Variants in OSBPL8 observed in about 807,000 individuals in gnomAD.
The protein encoded by OSBPL8 is oxysterol-binding protein-related protein 8.
Under a neutral mutation model 125.5 loss-of-function variants are expected in OSBPL8, and 59 were observed. That is an observed-to-expected ratio of 0.47 (90% CI 0.38 to 0.58). The LOEUF (loss-of-function observed/expected upper bound fraction) is 0.58. OSBPL8 is among the 20% of genes least tolerant of loss of function. OSBPL8 has a pLI of 0.00. For synonymous variants in OSBPL8, 330 were observed against 338.9 expected, an observed-to-expected ratio of 0.97 and a Z score of 0.29; for missense variants, 758 against 1,047.8, an observed-to-expected ratio of 0.72 and a Z score of 3.82.
rs1285401587 is a variant in OSBPL8, at chr12:76,352,238, A to G, written c.*3651T>C. On this transcript the variant is annotated 3_prime_UTR_variant, in exon 24 of 24. Coordinates refer to ENST00000261183, the MANE Select transcript of OSBPL8 (RefSeq NM_020841.5). Reference sequence around the variant, plus strand: ...ATACTGTAAAACAGTTTTACATAATAAATGCAAAAAGATAACATTTTCTAA... The same window carrying G: ...ATACTGTAAAACAGTTTTACATAATGAATGCAAAAAGATAACATTTTCTAA... 1 of 152,514 alleles carries G rather than the reference A, an allele frequency of 6.6e-6. No homozygotes were observed. Among genetic ancestry groups the G allele is most frequent in the Non-Finnish European group, 1.5e-5 (1 of 68,030 alleles). 9.4% of individuals were successfully genotyped at this position (152,514 alleles called of 1,614,324 possible).
chr12:76,470,260 C>T (rs1341119384), intron 2 of OSBPL8, among the ~76,000 whole-genome samples: 1 of 152,150 alleles, frequency 6.6e-6, no homozygotes, highest in East Asian at 1.9e-4. Flanking sequence ...AACTTTACTG[C>T]CCACTAAAAG....
intron 2 of OSBPL8, among the ~76,000 whole-genome samples, chr12:76,486,756 C>T (rs896559627): frequency 1.3e-5 from 2 of 152,034 alleles, no homozygotes; most frequent in Non-Finnish European, 2.9e-5. Flanking sequence ...ATATATGTGG[C>T]AATTGCTCTT....
intron 4 of OSBPL8, among the ~76,000 whole-genome samples, chr12:76,435,714 G>A (rs1034291874): frequency 3.3e-5 from 5 of 152,028 alleles, no homozygotes; most frequent in African/African-American, 1.2e-4. Context: ...GCAACAATAC[G>A]ATTTGTGGTG....
At chr12:76,543,551 CCA>C (rs1452447854) in intron 1 of OSBPL8, among the ~76,000 whole-genome samples, 1 of 152,034 alleles carries the variant, frequency 6.6e-6, no homozygotes, top group East Asian at 1.9e-4. Flanking sequence ...CTACCACTCC[CCA>C]CACAAGTTTA....
intron 1 of OSBPL8, among the ~76,000 whole-genome samples, chr12:76,488,618 T>C (rs1161250000): frequency 6.6e-6 from 1 of 152,222 alleles, no homozygotes; most frequent in African/African-American, 2.4e-5. Context: ...GATATTACTA[T>C]TGTAATCATT....
intron 2 of OSBPL8, among the ~76,000 whole-genome samples, chr12:76,483,463 C>T (rs1877766203): frequency 6.7e-6 from 1 of 149,098 alleles, no homozygotes; most frequent in Non-Finnish European, 1.5e-5. Flanking sequence ...ACTCGGGAGG[C>T]TGAGGCAGGC....
intron 4 of OSBPL8, among the ~76,000 whole-genome samples, chr12:76,434,135 T>C (rs1221728561): frequency 3.9e-5 from 6 of 152,078 alleles, no homozygotes; most frequent in Non-Finnish European, 5.9e-5. Flanking sequence ...CAAAATGGTA[T>C]AGCATTGGCA....
intron 1 of OSBPL8, among the ~76,000 whole-genome samples, chr12:76,558,329 A>G (rs965879542): frequency 1.3e-5 from 2 of 152,212 alleles, no homozygotes; most frequent in African/African-American, 4.8e-5. Flanking sequence ...ATGAAACTCT[A>G]GGAAATTAGC....
At chr12:76,479,493 C>G (rs547108788) in intron 2 of OSBPL8, among the ~76,000 whole-genome samples, 3 of 152,262 alleles carry the variant, frequency 2.0e-5, no homozygotes, top group Admixed American at 6.5e-5. Context: ...CTAATGTATA[C>G]CACTATCGAA....
chr12:76,384,551 C>T (rs1451234831), intron 14 of OSBPL8, among the ~76,000 whole-genome samples: 1 of 152,126 alleles, frequency 6.6e-6, no homozygotes, highest in Non-Finnish European at 1.5e-5. Flanking sequence ...ACCCACCCTC[C>T]TGGTAGTCAC....
intron 1 of OSBPL8, among the ~76,000 whole-genome samples, chr12:76,525,910 G>A (rs79536612): frequency 5.3e-5 from 8 of 152,188 alleles, no homozygotes; most frequent in East Asian, 3.9e-4. Flanking sequence ...TACCTACTAC[G>A]TGCCAACCAT....
intron 1 of OSBPL8, among the ~76,000 whole-genome samples, chr12:76,533,177 A>G (rs1950396649): frequency 6.6e-6 from 1 of 152,224 alleles, no homozygotes; most frequent in African/African-American, 2.4e-5. Context: ...AAAAAATACA[A>G]TAGCATAGTA....
rs77613202 is a variant in OSBPL8 at position 76,470,977 on chromosome 12, A to G, written c.43-11082T>C. ...ATATTAGGTAATGAATATAAAAACT[A>G]ATGAATATAACAACTTTAAAAAGAT... On this transcript the variant is annotated intron_variant, in intron 2 of 23. Coordinates refer to ENST00000261183, the MANE Select transcript of OSBPL8 (RefSeq NM_020841.5). Among the ~76,000 whole-genome samples the G allele has an allele frequency of 6.5e-3, 995 of 152,338 alleles. 6 individuals carry two copies. Among genetic ancestry groups the G allele is most frequent in the Middle Eastern group, 0.037 (11 of 294 alleles).
At chr12:76,557,576 T>C (rs1226765385) in intron 1 of OSBPL8, among the ~76,000 whole-genome samples, 1 of 146,506 alleles carries the variant, frequency 6.8e-6, no homozygotes, top group Non-Finnish European at 1.5e-5. Context: ...GTTGCACCAC[T>C]GCACTCCAGC....
In OSBPL8 at chr12:76,369,722, C is replaced by T. The variant is rs566035076; in HGVS notation, c.2155G>A (p.Asp719Asn). The change falls in exon 20 of 24, where the codon GAT becomes AAT. Residue 719 changes from aspartate (D) to asparagine (N), a missense_variant. By Grantham distance (23) the Asp-to-Asn change is conservative. Transcript: ENST00000261183. The stretch of plus-strand genomic sequence containing the variant: ...CACTCTTCATTTTTTGTTTTCCGAT[C>T]CCTGGCAGCTTGTCTTTGAGCTTCT... ...LEEAQRQAAR[D>N]RKTKNEEWSC... The T allele has an allele frequency of 1.7e-4, 282 of 1,613,656 alleles. 3 individuals carry two copies. The South Asian group carries it at 2.6e-3, about 15-fold the overall frequency.
chr12:76,513,272 T>G (rs1881188340), intron 1 of OSBPL8, among the ~76,000 whole-genome samples: 1 of 152,276 alleles, frequency 6.6e-6, no homozygotes, highest in Admixed American at 6.5e-5. Flanking sequence ...CTATTTGTAT[T>G]GCACTGTGGT....
intron 21 of OSBPL8, among the ~76,000 whole-genome samples, chr12:76,360,271 T>C (rs1165402761): frequency 3.9e-5 from 6 of 152,182 alleles, no homozygotes; most frequent in Admixed American, 1.3e-4. Flanking sequence ...TGAGATCCAG[T>C]GGGGCAGTCA....
intron 1 of OSBPL8, chr12:76,534,304 G>A (rs749132197): frequency 3.3e-5 from 5 of 152,118 alleles, no homozygotes; most frequent in Non-Finnish European, 7.4e-5. Flanking sequence ...GGGCGAAGAA[G>A]GAAAAGAAAC....
At chr12:76,425,368 A>T (rs1397602716) in intron 4 of OSBPL8, among the ~76,000 whole-genome samples, 1 of 152,200 alleles carries the variant, frequency 6.6e-6, no homozygotes, top group Non-Finnish European at 1.5e-5. Flanking sequence ...TCTCCCATGC[A>T]TCTATAATAT....
Sources: allele counts gnomAD v4.1 joint callset (sites outside exome capture counted in the v4.1 genomes callset), GRCh38; gene constraint gnomAD v4.1.1; transcripts MANE v1.5; gene names NCBI Gene and HGNC (gene_info 2026-07-23, HGNC 2026-07-21).